The following PAK1 variants were observed in gnomAD, a reference collection of about 807,000 sequenced individuals.
PAK1 encodes serine/threonine-protein kinase PAK 1.
A neutral mutation model predicts 67.4 loss-of-function variants in PAK1; 29 were observed. The ratio of observed to expected loss-of-function variants is 0.43; its 90% CI spans 0.32 to 0.59. The LOEUF (loss-of-function observed/expected upper bound fraction) is 0.59. Among genes scored for constraint, PAK1 ranks in the 20% least tolerant of loss-of-function variants. PAK1 has a pLI of 0.07. For missense variants in PAK1, 337 were observed against 670.7 expected (o/e 0.50, Z 5.50); for synonymous variants, 223 against 237.4 (o/e 0.94, Z 0.56).
intron 10 of PAK1, 24 bp from the exon 11 acceptor site, chr11:77,340,787 G>A (rs753933274): frequency 1.6e-6 from 2 of 1,230,764 alleles, no homozygotes; most frequent in Non-Finnish European, 2.4e-6. Context: ...GATAAAGGGT[G>A]AGAGAGAACA....
At chr11:77,443,443 C>T (rs1217036216) in intron 1 of PAK1, among the ~76,000 whole-genome samples, 3 of 152,098 alleles carry the variant, frequency 2.0e-5, no homozygotes, top group African/African-American at 7.2e-5. Flanking sequence ...AAGGCCTCTA[C>T]TACAACCCTT....
chr11:77,436,448 T>C (rs1395245847), intron 1 of PAK1, among the ~76,000 whole-genome samples: 1 of 152,192 alleles, frequency 6.6e-6, no homozygotes, highest in East Asian at 1.9e-4. Context: ...CCAGAAGTGC[T>C]ACCAAACTGC....
chr11:77,377,348 T>C (rs989878929), intron 4 of PAK1, among the ~76,000 whole-genome samples: 1 of 152,138 alleles, frequency 6.6e-6, no homozygotes, highest in African/African-American at 2.4e-5. Context: ...AAAGGAGAGA[T>C]ATGACACTTA....
chr11:77,376,183 T>G (rs1949061071), intron 4 of PAK1, among the ~76,000 whole-genome samples: 1 of 152,218 alleles, frequency 6.6e-6, no homozygotes, highest in Admixed American at 6.5e-5. Context: ...ATAGGCATAC[T>G]TGTTATGTCA....
chr11:77,408,564 C>CACACACAT (rs1954003674), intron 1 of PAK1, among the ~76,000 whole-genome samples: 2 of 151,856 alleles, frequency 1.3e-5, no homozygotes, highest in Non-Finnish European at 2.9e-5. Flanking sequence ...CACACACACA[C>CACACACAT]ACACACTCCA....
chr11:77,395,913 G>C (rs989144629), intron 1 of PAK1, among the ~76,000 whole-genome samples: 2 of 152,080 alleles, frequency 1.3e-5, no homozygotes, highest in African/African-American at 2.4e-5. Context: ...TCCCGCAAGA[G>C]AACTTTTACT....
At chr11:77,393,558 A>G (rs564326196) in intron 1 of PAK1, among the ~76,000 whole-genome samples, 40 of 152,162 alleles carry the variant, frequency 2.6e-4, no homozygotes, top group Non-Finnish European at 4.7e-4. Flanking sequence ...CAGTCTCCCA[A>G]GCAGCTGGAA....
At position 77,471,727 on chromosome 11, in the gene PAK1, G is replaced by A. The variant is rs574237848; in HGVS notation, c.-22+1825C>T. Among the ~76,000 whole-genome samples the A allele has an allele frequency of 3.3e-4, 51 of 152,284 alleles. No individual in the cohort carries two copies. The Middle Eastern group carries it at 0.017, about 51-fold the overall frequency. ...CAGAATATGAAGAGTCAGGGGTAGG[G>A]GGCGCTGATGTGGTAAGGTTTTGTT... On this transcript the variant is annotated intron_variant, in intron 1 of 14. Transcript: ENST00000356341.
intron 14 of PAK1, among the ~76,000 whole-genome samples, chr11:77,326,768 C>T (rs1478993877): frequency 2.0e-5 from 3 of 152,090 alleles, no homozygotes; most frequent in Admixed American, 6.6e-5. Context: ...TCACCAGCAA[C>T]GGAACAAAGC....
chr11:77,457,845 A>G (rs1044313257), intron 1 of PAK1, among the ~76,000 whole-genome samples: 8 of 152,224 alleles, frequency 5.3e-5, no homozygotes, highest in Non-Finnish European at 1.0e-4. Flanking sequence ...TGGTCTTAAC[A>G]AAGCATGACA....
chr11:77,479,206 G>C (rs145707826), upstream of PAK1, among the ~76,000 whole-genome samples: 596 of 152,174 alleles, frequency 3.9e-3, 4 homozygotes, highest in African/African-American at 0.014. Flanking sequence ...ACCGTCACGA[G>C]TTCTATGGCT....
the PAK1 span, among the ~76,000 whole-genome samples, chr11:77,489,363 G>A: frequency 6.6e-6 from 1 of 151,860 alleles, no homozygotes; most frequent in African/African-American, 2.4e-5. Context: ...GAAATCATTA[G>A]AAGCTCTCTC....
intron 1 of PAK1, among the ~76,000 whole-genome samples, chr11:77,434,423 A>G (rs779296564): frequency 2.8e-4 from 42 of 152,104 alleles, no homozygotes; most frequent in Non-Finnish European, 2.1e-4. Context: ...TGTTTCTTTT[A>G]GGAGGACAAA....
At chr11:77,358,800 C>T in intron 6 of PAK1, 98 bp downstream of exon 6, 2 of 1,210,522 alleles carry the variant, frequency 1.7e-6, no homozygotes, top group Non-Finnish European at 2.4e-6. Context: ...CTAAGGACGC[C>T]TACCAGAATA....
At chr11:77,355,368 T>C (rs982891546) in intron 7 of PAK1, among the ~76,000 whole-genome samples, 1 of 152,180 alleles carries the variant, frequency 6.6e-6, no homozygotes, top group Non-Finnish European at 1.5e-5. Context: ...CATGGCATTC[T>C]AGGCTATTCA....
At chr11:77,332,001 G>C (rs79665957) in intron 14 of PAK1, among the ~76,000 whole-genome samples, 2,822 of 152,048 alleles carry the variant, frequency 0.019, 88 homozygotes, top group African/African-American at 0.064. Flanking sequence ...CAAAGGAAGT[G>C]CTAATGAAAG....
chr11:77,471,192 A>AGGGAT (rs753291336), intron 1 of PAK1, among the ~76,000 whole-genome samples: 94 of 152,076 alleles, frequency 6.2e-4, no homozygotes, highest in East Asian at 1.5e-3. Flanking sequence ...TTGGCAAGAG[A>AGGGAT]GGGATGGGAT....
At chr11:77,377,793 C>T (rs181807130) in intron 4 of PAK1, among the ~76,000 whole-genome samples, 59 of 152,318 alleles carry the variant, frequency 3.9e-4, no homozygotes, top group Middle Eastern at 3.4e-3. Context: ...CCTGATGTTT[C>T]CATGACAAGT....
intron 5 of PAK1, among the ~76,000 whole-genome samples, chr11:77,366,978 A>G (rs1947680043): frequency 6.6e-6 from 1 of 152,256 alleles, no homozygotes; most frequent in African/African-American, 2.4e-5. Flanking sequence ...AATAAAATGT[A>G]GTGTATCCAT....
Sources: allele counts gnomAD v4.1 joint callset (sites outside exome capture counted in the v4.1 genomes callset), GRCh38; gene constraint gnomAD v4.1.1; transcripts MANE v1.5; gene names NCBI Gene and HGNC (gene_info 2026-07-23, HGNC 2026-07-21).